The following MCF2L2 variants were observed in gnomAD, a reference collection of about 807,000 sequenced individuals.
The protein encoded by MCF2L2 is MCF.2 cell line derived transforming sequence-like 2, also known as probable guanine nucleotide exchange factor MCF2L2.
A neutral mutation model predicts 150.2 loss-of-function variants in MCF2L2; 102 were observed. That is an observed-to-expected ratio of 0.68 (90% CI 0.58 to 0.80). MCF2L2 has a LOEUF of 0.80. Ranked by LOEUF, MCF2L2 falls within the 30% of genes least tolerant of loss-of-function variation. The probability of loss-of-function intolerance (pLI) is 0.00; values close to 1 mark genes in which losing one functional copy is unlikely to be tolerated. For synonymous variants in MCF2L2, 465 were observed against 491.3 expected (o/e 0.95, Z 0.71); for missense variants, 1,256 against 1,372.8 (o/e 0.91, Z 1.34).
chr3:183,335,858 C>T (rs1462744007), intron 5 of MCF2L2, among the ~76,000 whole-genome samples: 1 of 152,142 alleles, frequency 6.6e-6, no homozygotes, highest in Non-Finnish European at 1.5e-5. Flanking sequence ...GAGACCCCAT[C>T]TCTAAAATCA....
chr3:183,360,374 C>T (rs1005467367), intron 3 of MCF2L2, among the ~76,000 whole-genome samples: 1 of 151,996 alleles, frequency 6.6e-6, no homozygotes, highest in Non-Finnish European at 1.5e-5. Context: ...TCATGATCAG[C>T]CTGGGCAACA....
At chr3:183,384,095 G>A (rs1713690721) in intron 2 of MCF2L2, among the ~76,000 whole-genome samples, 1 of 152,200 alleles carries the variant, frequency 6.6e-6, no homozygotes, top group Non-Finnish European at 1.5e-5. Context: ...GAACATACAT[G>A]CAGAACTGGT....
intron 14 of MCF2L2, among the ~76,000 whole-genome samples, chr3:183,278,208 A>T (rs1727271775): frequency 6.7e-6 from 1 of 148,744 alleles, no homozygotes; most frequent in African/African-American, 2.5e-5. Flanking sequence ...ATATATATAT[A>T]TATTTTTTAT....
intron 3 of MCF2L2, among the ~76,000 whole-genome samples, chr3:183,370,198 C>T (rs936940586): frequency 6.6e-6 from 1 of 152,240 alleles, no homozygotes; most frequent in Non-Finnish European, 1.5e-5. Flanking sequence ...CTTGTCTTCC[C>T]ATTTGTCGAG....
At chr3:183,379,492 T>G in intron 2 of MCF2L2, 81 bp from the exon 3 acceptor site, 2 of 881,200 alleles carry the variant, frequency 2.3e-6, no homozygotes, top group Non-Finnish European at 3.6e-6. Flanking sequence ...CGAAAGAATA[T>G]CGGTCACCTC....
chr3:183,323,187 C>A, intron 6 of MCF2L2, 48 bp downstream of exon 6: 1 of 1,365,914 alleles, frequency 7.3e-7, no homozygotes, highest in Non-Finnish European at 1.0e-6. Flanking sequence ...CCCCATCTTC[C>A]AGAAAACAAG....
At chr3:183,214,474 T>C (rs1722840998) in intron 22 of MCF2L2, among the ~76,000 whole-genome samples, 1 of 151,960 alleles carries the variant, frequency 6.6e-6, no homozygotes, top group South Asian at 2.1e-4. Context: ...GCCCAAGAAA[T>C]ACCAGCGTGG....
At chr3:183,234,445 T>C (rs1290000849) in intron 15 of MCF2L2, among the ~76,000 whole-genome samples, 1 of 152,140 alleles carries the variant, frequency 6.6e-6, no homozygotes, top group Non-Finnish European at 1.5e-5. Context: ...TGGATTACAG[T>C]TTGGAAAAAA....
In MCF2L2 at chr3:183,179,933, C is replaced by T; in HGVS notation, c.3105+138G>A. The T allele has an allele frequency of 1.3e-6, 1 of 796,726 alleles. No individual in the cohort carries two copies. The highest frequency in any genetic ancestry group is 2.4e-5 in the East Asian group (1 of 40,964). 49.4% of individuals were successfully genotyped at this position (796,726 alleles called of 1,614,324 possible). A position where few individuals can be genotyped will look rare whatever the true frequency, so the allele number is the denominator to read the frequency against. On this transcript the variant is annotated intron_variant, in intron 28 of 29. Transcript: ENST00000328913. This position sits in a 1 kb window ranked among gnomAD's most constrained non-coding sequence, Gnocchi z 4.2. Reference sequence around the variant, plus strand: ...CAGTTTGAGGGTCTGGTGACCTCGGCTCCCTGGCTTAACCAGGTCCTTATG... The same window carrying T: ...CAGTTTGAGGGTCTGGTGACCTCGGTTCCCTGGCTTAACCAGGTCCTTATG...
At chr3:183,393,070 G>A (rs1220905057) in intron 1 of MCF2L2, among the ~76,000 whole-genome samples, 1 of 152,184 alleles carries the variant, frequency 6.6e-6, no homozygotes, top group Non-Finnish European at 1.5e-5. Context: ...CAGGTGAGCA[G>A]AACCATGACC....
At position 183,300,107 on chromosome 3, in the gene MCF2L2, C is replaced by T; in HGVS notation, c.1203G>A (p.Arg401=). 3 of 1,613,980 alleles carry T rather than the reference C, an allele frequency of 1.9e-6. No individual in the cohort carries two copies. Among genetic ancestry groups the T allele is most frequent in the Admixed American group, 1.7e-5 (1 of 59,974 alleles). Residue 401 remains arginine, a synonymous_variant, in exon 11 of 30, where the codon CGG becomes CGA. Coordinates refer to ENST00000328913, the MANE Select transcript of MCF2L2 (RefSeq NM_015078.4). ...HHYAADAIRP[R]CVELRHLCDD... ...CACAGAGGTGCCTGAGCTCCACACA[C>T]CGGGGCCTGATGGCATCTGCTGCAT...
At chr3:183,240,645 T>G (rs1344601134) in intron 15 of MCF2L2, among the ~76,000 whole-genome samples, 2 of 152,182 alleles carry the variant, frequency 1.3e-5, no homozygotes, top group African/African-American at 2.4e-5. Flanking sequence ...GAGCTTGCTT[T>G]AAAGGTAAAA....
rs1194466101 is a variant in MCF2L2 at position 183,289,203 on chromosome 3, G to A, written c.1693C>T (p.Leu565=). 6.2e-7 allele frequency: 1 copy of A among 1,613,292 alleles called. No individual in the cohort carries two copies. Among genetic ancestry groups the A allele is most frequent in the Admixed American group, 1.7e-5 (1 of 60,006 alleles). ...GTATAAGGTTCCTCAGACGTTCTCA[G>A]AGGACGAGCTAGAGGGACTAAGAGA... ...PSTSVPLARP[L]RTSEEPYTET... is the part of the protein sequence containing the mutation. The change falls in exon 14 of 30, where the codon CTG becomes TTG. Residue 565 remains leucine, a synonymous_variant. Coordinates refer to ENST00000328913, the MANE Select transcript of MCF2L2 (RefSeq NM_015078.4).
chr3:183,382,171 G>C (rs1713567779), intron 2 of MCF2L2, among the ~76,000 whole-genome samples: 1 of 152,000 alleles, frequency 6.6e-6, no homozygotes, highest in African/African-American at 2.4e-5. Flanking sequence ...CAATTATTGT[G>C]CCTCAGCCTA....
chr3:183,341,880 T>C (rs913863314), intron 3 of MCF2L2, among the ~76,000 whole-genome samples: 2 of 152,192 alleles, frequency 1.3e-5, no homozygotes, highest in African/African-American at 4.8e-5. Context: ...AAGGAACACG[T>C]GTTCAAGCCC....
At chr3:183,248,218 CA>C (rs976721310) in intron 15 of MCF2L2, among the ~76,000 whole-genome samples, 1 of 151,958 alleles carries the variant, frequency 6.6e-6, no homozygotes, top group Non-Finnish European at 1.5e-5. Flanking sequence ...TCTGCAGAGC[CA>C]ATTAGGTATT....
intron 20 of MCF2L2, among the ~76,000 whole-genome samples, chr3:183,221,409 A>AG (rs1644290316): frequency 6.6e-6 from 1 of 152,296 alleles, no homozygotes; most frequent in Non-Finnish European, 1.5e-5. Context: ...TGAGGCTGAG[A>AG]GAGGTTAAGT....
chr3:183,233,744 A>G (rs560038265), intron 15 of MCF2L2, among the ~76,000 whole-genome samples: 1 of 152,324 alleles, frequency 6.6e-6, no homozygotes, highest in South Asian at 2.1e-4. Context: ...CCCTTCTACA[A>G]TCTTTTTTAA....
In MCF2L2 at chr3:183,330,245, G is replaced by GAA. The variant is rs200391954; in HGVS notation, c.487-6896_487-6895dup. On this transcript the variant is annotated intron_variant, in intron 5 of 29. Transcript: ENST00000328913. The stretch of plus-strand genomic sequence containing the variant: ...AGGTGACAGAGCAAGACCCTGTCTT[G>GAA]AAAAAAAAAAAAAAAAAAGAAGAAG... Among the ~76,000 whole-genome samples, 407 of 57,292 alleles carry GAA rather than the reference G, an allele frequency of 7.1e-3. 9 individuals are homozygous for GAA. The highest frequency in any genetic ancestry group is 0.027 in the African/African-American group (370 of 13,882). 37.6% of individuals were successfully genotyped at this position (57,292 alleles called of 152,430 possible).
Sources: allele counts gnomAD v4.1 joint callset (sites outside exome capture counted in the v4.1 genomes callset), GRCh38; gene constraint gnomAD v4.1.1; non-coding constraint Gnocchi (gnomAD v3.1); transcripts MANE v1.5; gene names NCBI Gene and HGNC (gene_info 2026-07-23, HGNC 2026-07-21).